KLHL3: variants seen among roughly 807,000 people sequenced by gnomAD.
The protein encoded by KLHL3 is kelch-like protein 3.
A neutral mutation model predicts 70.5 loss-of-function variants in KLHL3; 19 were observed. That is an observed-to-expected ratio of 0.27 (90% confidence interval 0.19 to 0.40). The LOEUF is 0.40. Ranked by LOEUF, KLHL3 falls within the 10% of genes least tolerant of loss-of-function variation. KLHL3 has a pLI of 1.00. For synonymous variants in KLHL3, 258 were observed against 290.3 expected (o/e 0.89, Z 1.13); for missense variants, 512 against 771.1 (o/e 0.66, Z 3.98).
In KLHL3 at chr5:137,618,495, C is replaced by T. The variant is rs1395031945; in HGVS notation, c.*3603G>A. 6.6e-6 allele frequency: 1 copy of T among 152,086 alleles called. No individual in the cohort carries two copies. The highest frequency in any genetic ancestry group is 1.5e-5 in the Non-Finnish European group (1 of 68,018). The allele number at this position is 152,086 out of a possible 1,614,324, so 9.4% of individuals were successfully genotyped here. On this transcript the variant is annotated 3_prime_UTR_variant, in exon 15 of 15. Transcript: ENST00000309755. ...CACACAGGGATCATGAGGATTGACC[C>T]CTCTTTTAAAGGTTAGAGACAAGAT...
chr5:137,645,416 G>A (rs541994226), intron 8 of KLHL3, among the ~76,000 whole-genome samples: 10 of 152,082 alleles, frequency 6.6e-5, no homozygotes, highest in South Asian at 2.1e-4. Flanking sequence ...GCCTAAAGAC[G>A]CCACCAAAAA....
intron 8 of KLHL3, among the ~76,000 whole-genome samples, chr5:137,656,843 AGTTCAAATG>A (rs2149895257): frequency 6.6e-6 from 1 of 152,394 alleles, no homozygotes; most frequent in South Asian, 2.1e-4. Flanking sequence ...ATAAAGACTC[AGTTCAAATG>A]CTGGTTCTAC....
chr5:137,712,332 T>C (rs1752810415), intron 2 of KLHL3, among the ~76,000 whole-genome samples: 1 of 152,082 alleles, frequency 6.6e-6, no homozygotes, highest in Non-Finnish European at 1.5e-5. Context: ...TGACAATTTT[T>C]GAACAAATGG....
Position 137,678,280 on chromosome 5 carries a change from GA to G in KLHL3, c.527-627del, listed in dbSNP as rs949610972. The stretch of plus-strand genomic sequence containing the variant: ...AACAGTCCACAGAGCCAGGCCTATG[GA>G]ACTGTTCAAGACAGAGGGAAATTTG... On this transcript the variant is annotated intron_variant, in intron 5 of 14. Transcript: ENST00000309755. 1.4e-4 allele frequency among the ~76,000 whole-genome samples: 22 copies of G among 152,058 alleles called. 1 individual carries two copies. Among genetic ancestry groups the G allele is most frequent in the Admixed American group, 1.0e-3 (16 of 15,264 alleles).
rs570526514 is a variant in KLHL3 at position 137,692,272 on chromosome 5, G to A, written c.526+13C>T. 6.2e-6 allele frequency: 10 copies of A among 1,607,330 alleles called. No individual in the cohort carries two copies. Among genetic ancestry groups the A allele is most frequent in the East Asian group, 2.2e-5 (1 of 44,632 alleles). On this transcript the variant is annotated intron_variant, in intron 5 of 14. Coordinates refer to ENST00000309755, the MANE Select transcript of KLHL3 (RefSeq NM_017415.3). ...AAACTCGGAGGAGGTGCAGCAGTCC[G>A]GCTCCCCCTTACCTGCGTAGGCATT...
At chr5:137,706,685 T>C (rs1222456003) in intron 3 of KLHL3, among the ~76,000 whole-genome samples, 1 of 152,228 alleles carries the variant, frequency 6.6e-6, no homozygotes, top group East Asian at 1.9e-4. Context: ...GAATTTTCAA[T>C]TAGAGTATAT....
intron 5 of KLHL3, among the ~76,000 whole-genome samples, chr5:137,683,607 G>A (rs981511540): frequency 3.9e-5 from 6 of 152,082 alleles, no homozygotes; most frequent in Non-Finnish European, 7.4e-5. Flanking sequence ...CCTCTTCTCA[G>A]AAGGGTCATG....
At chr5:137,713,992 A>G (rs956240136) in intron 2 of KLHL3, among the ~76,000 whole-genome samples, 4 of 151,848 alleles carry the variant, frequency 2.6e-5, no homozygotes, top group African/African-American at 4.8e-5. Flanking sequence ...GTCATTTAGC[A>G]TTAGGTATAT....
At chr5:137,734,443 C>A (rs1753229023) in intron 1 of KLHL3, among the ~76,000 whole-genome samples, 1 of 152,170 alleles carries the variant, frequency 6.6e-6, no homozygotes. Flanking sequence ...AACACAGTTC[C>A]CAGGGCCTCT....
chr5:137,633,070 G>A (rs1392195158), intron 12 of KLHL3, among the ~76,000 whole-genome samples: 1 of 152,074 alleles, frequency 6.6e-6, no homozygotes, highest in Non-Finnish European at 1.5e-5. Context: ...CATGAGGTCA[G>A]GAGATTGAGA....
At chr5:137,726,880 C>T (rs889247610) in intron 1 of KLHL3, among the ~76,000 whole-genome samples, 2 of 152,000 alleles carry the variant, frequency 1.3e-5, no homozygotes, top group African/African-American at 4.8e-5. Flanking sequence ...CAGAGTTGGC[C>T]TTCAGAGTTA....
chr5:137,706,395 A>C (rs1362643011), intron 3 of KLHL3: 7 of 985,076 alleles, frequency 7.1e-6, no homozygotes, highest in Non-Finnish European at 6.0e-6. Context: ...CTGTTTACCA[A>C]GGTTTAGGCA....
rs55992303 is a variant in KLHL3, at chr5:137,628,698, T to A, written c.1451-261A>T. The stretch of plus-strand genomic sequence containing the variant: ...TCTGTTTTTAAAAAACATTAAAAAA[T>A]ATATATATATATATACACACACACA... On this transcript the variant is annotated intron_variant, in intron 12 of 14. Transcript: ENST00000309755. The A allele has an allele frequency of 0.43, 52,984 of 121,892 alleles. 6,020 individuals carry two copies. The highest frequency in any genetic ancestry group is 0.5 in the Non-Finnish European group (29,494 of 59,530). The allele number at this position is 121,892 out of a possible 1,614,324, so 7.6% of individuals were successfully genotyped here. A position where few individuals can be genotyped will look rare whatever the true frequency, so the allele number is the denominator to read the frequency against.
rs771830110 is a variant in KLHL3 at position 137,628,282 on chromosome 5, G to A, written c.1591+15C>T. On this transcript the variant is annotated intron_variant, in intron 13 of 14. Transcript: ENST00000309755. ...ACACAACCCCCAAAGGGGAGATGGA[G>A]AGAGCAGTCATTACCTGCGTTGCGC... 3.1e-6 allele frequency: 5 copies of A among 1,613,912 alleles called. No individual in the cohort carries two copies. In the Admixed American group the frequency reaches 5.0e-5, roughly 16 times the overall value.
chr5:137,632,146 G>GA (rs1240210029), intron 12 of KLHL3, among the ~76,000 whole-genome samples: 1 of 152,052 alleles, frequency 6.6e-6, no homozygotes, highest in Non-Finnish European at 1.5e-5. Flanking sequence ...CATAGAATTA[G>GA]AAAAAACAAT....
chr5:137,628,011 A>T, intron 13 of KLHL3: 1 of 375,092 alleles, frequency 2.7e-6, no homozygotes, highest in South Asian at 3.4e-5. Flanking sequence ...TGGCAACCAG[A>T]GGACTTTCCC....
chr5:137,644,792 G>C (rs915598414), intron 8 of KLHL3, among the ~76,000 whole-genome samples: 1 of 152,072 alleles, frequency 6.6e-6, no homozygotes, highest in African/African-American at 2.4e-5. Context: ...TGAAAGGGAG[G>C]GAATACTTCC....
intron 8 of KLHL3, among the ~76,000 whole-genome samples, chr5:137,645,251 AACAAG>A (rs1751015159): frequency 6.6e-6 from 1 of 152,204 alleles, no homozygotes; most frequent in African/African-American, 2.4e-5. Flanking sequence ...TAAGAATTGG[AACAAG>A]ACAAGGATGC....
chr5:137,626,760 T>A (rs567488300), intron 13 of KLHL3, among the ~76,000 whole-genome samples: 1 of 152,278 alleles, frequency 6.6e-6, no homozygotes, highest in East Asian at 1.9e-4. Context: ...TCCCAGCACT[T>A]TGGGAGGCCA....
Sources: gnomAD v4.1 joint callset for allele counts (sites outside exome capture counted in the v4.1 genomes callset) on GRCh38, gnomAD v4.1.1 for gene constraint, MANE v1.5 for transcripts, NCBI Gene and HGNC (gene_info 2026-07-23, HGNC 2026-07-21) for gene names.